MIDEAS: variants seen among roughly 807,000 people sequenced by gnomAD.
MIDEAS encodes the protein mitotic deacetylase-associated SANT domain protein.
A neutral mutation model predicts 102.7 loss-of-function variants in MIDEAS; 26 were observed. That is an observed-to-expected ratio of 0.25 (90% confidence interval 0.19 to 0.35). The LOEUF (loss-of-function observed/expected upper bound fraction) is 0.35. Ranked by LOEUF, MIDEAS falls within the 10% of genes least tolerant of loss-of-function variation. The probability of loss-of-function intolerance (pLI) is 1.00; values close to 1 mark genes in which losing one functional copy is unlikely to be tolerated. For synonymous variants in MIDEAS, 585 were observed against 591.0 expected, an observed-to-expected ratio of 0.99 and a Z score of 0.15; for missense variants, 1,231 against 1,435.6, an observed-to-expected ratio of 0.86 and a Z score of 2.30.
At chr14:73,776,772 C>A (rs2053692496) in intron 1 of MIDEAS, among the ~76,000 whole-genome samples, 1 of 151,940 alleles carries the variant, frequency 6.6e-6, no homozygotes, top group Admixed American at 6.6e-5. Flanking sequence ...GCCTCCAGAG[C>A]CTTGCTCTTC....
intron 1 of MIDEAS, among the ~76,000 whole-genome samples, chr14:73,757,294 A>AAAAAAAAC (rs2053496918): frequency 1.3e-5 from 2 of 150,336 alleles, no homozygotes; most frequent in Non-Finnish European, 3.0e-5. Context: ...AAAAAAAAAA[A>AAAAAAAAC]CACTAAACAC....
At chr14:73,747,016 C>T (rs540240526) in intron 1 of MIDEAS, among the ~76,000 whole-genome samples, 2 of 152,256 alleles carry the variant, frequency 1.3e-5, no homozygotes, top group East Asian at 1.9e-4. Context: ...GGGGGAGCTC[C>T]CTGACTTTGA....
intron 1 of MIDEAS, among the ~76,000 whole-genome samples, chr14:73,771,944 C>G (rs2053645740): frequency 2.0e-5 from 3 of 152,278 alleles, no homozygotes; most frequent in Admixed American, 2.0e-4. Flanking sequence ...CCTGCTGTGG[C>G]AGGGGCCTGA....
rs748463058 is a variant in MIDEAS at position 73,729,928 on chromosome 14, G to A, written c.1807C>T (p.Arg603Trp). ...GEPSVRKPKQRPRPEPLIIPT... is the reference protein window; with the variant it reads ...GEPSVRKPKQWPRPEPLIIPT... Reference sequence around the variant, plus strand: ...ATGATGAGGGGCTCGGGCCTGGGCCGCTGCTTTGGTTTCCGCACGGAAGGC... The same window carrying A: ...ATGATGAGGGGCTCGGGCCTGGGCCACTGCTTTGGTTTCCGCACGGAAGGC... The change falls in exon 4 of 13, where the codon CGG (arginine) becomes TGG (tryptophan). Residue 603 changes from arginine to tryptophan, a missense_variant. Around this residue, in one of 5 missense-constraint regions of MIDEAS, gnomAD observed 758 missense variants for 856.0 expected, o/e 0.89. Transcript: ENST00000423556. The A allele has an allele frequency of 3.7e-6, 6 of 1,606,520 alleles. No individual in the cohort carries two copies. The highest frequency in any genetic ancestry group is 5.1e-6 in the Non-Finnish European group (6 of 1,174,770).
Position 73,726,597 on chromosome 14 carries a change from T to C in MIDEAS, c.2409+7A>G. ...GGGCCCTCCCTCTGCTGGGGTTGCC[T>C]TCTCACCAGGATGTCTCCTCTGGAT... On this transcript the variant is annotated splice_region_variant and intron_variant, in intron 7 of 12. Transcript: ENST00000423556. 6.2e-7 allele frequency: 1 copy of C among 1,613,854 alleles called. No homozygotes were observed. The highest frequency in any genetic ancestry group is 8.5e-7 in the Non-Finnish European group (1 of 1,179,866).
intron 1 of MIDEAS, among the ~76,000 whole-genome samples, chr14:73,784,027 T>C (rs12879393): frequency 0.59 from 89,882 of 152,160 alleles, 28,582 homozygotes; most frequent in East Asian, 0.93. Context: ...TCCAGGAGAC[T>C]CCTGCATTGG....
At position 73,740,208 on chromosome 14, in the gene MIDEAS, G is replaced by A. The variant is rs899743028; in HGVS notation, c.-200C>T. 3 of 553,414 alleles carry A rather than the reference G, an allele frequency of 5.4e-6. No homozygotes were observed. The highest frequency in any genetic ancestry group is 1.9e-5 in the African/African-American group (1 of 51,384). 34.3% of individuals were successfully genotyped at this position (553,414 alleles called of 1,614,324 possible). A position where few individuals can be genotyped will look rare whatever the true frequency, so the allele number is the denominator to read the frequency against. ...CCTTTCTCTTCCAGAGAGGCTCTGG[G>A]GCTCAGCTACTCTTCCCAGTTCATG... On this transcript the variant is annotated 5_prime_UTR_variant, in exon 2 of 13. Transcript: ENST00000423556.
At chr14:73,737,512 G>A (rs2053218206) in intron 2 of MIDEAS, among the ~76,000 whole-genome samples, 1 of 152,148 alleles carries the variant, frequency 6.6e-6, no homozygotes, top group Non-Finnish European at 1.5e-5. Flanking sequence ...TGTGGTCCCA[G>A]CTACTTGGGA....
intron 3 of MIDEAS, among the ~76,000 whole-genome samples, chr14:73,734,540 T>G (rs1031533050): frequency 4.6e-5 from 7 of 151,946 alleles, no homozygotes; most frequent in Non-Finnish European, 8.8e-5. Context: ...CCTGAGAAAC[T>G]GGGACTACAG....
At chr14:73,756,827 GTTCAC>G (rs1182382656) in intron 1 of MIDEAS, among the ~76,000 whole-genome samples, 3 of 152,198 alleles carry the variant, frequency 2.0e-5, no homozygotes, top group African/African-American at 7.2e-5. Flanking sequence ...AGGAAACTGG[GTTCAC>G]CAGCCCCAGA....
chr14:73,725,363 A>G lies in MIDEAS; in HGVS notation c.2486-3T>C, dbSNP rs200559216. ...GGCCATCTTCCACTGGTCAGAGCCT[A>G]TGGGGCAAAGAGGCAGCCAGGGAGT... On this transcript the variant is annotated splice_region_variant and splice_polypyrimidine_tract_variant and intron_variant, in intron 8 of 12. Coordinates refer to ENST00000423556, the MANE Select transcript of MIDEAS (RefSeq NM_001367710.1). The surrounding 1 kb of genome is among the most constrained non-coding windows in gnomAD (Gnocchi z 4.1). The G allele has an allele frequency of 1.1e-5, 18 of 1,613,426 alleles. No individual in the cohort carries two copies. The African/African-American group carries it at 1.9e-4, about 17-fold the overall frequency.
At chr14:73,776,370 T>A (rs965563185) in intron 1 of MIDEAS, among the ~76,000 whole-genome samples, 4 of 151,808 alleles carry the variant, frequency 2.6e-5, no homozygotes, top group African/African-American at 9.7e-5. Flanking sequence ...CAGAAGGATG[T>A]CCAAACAGAT....
In MIDEAS at chr14:73,725,099, G is replaced by C; in HGVS notation, c.2574+173C>G. On this transcript the variant is annotated intron_variant, in intron 9 of 12. Coordinates refer to ENST00000423556, the MANE Select transcript of MIDEAS (RefSeq NM_001367710.1). This position sits in a 1 kb window ranked among gnomAD's most constrained non-coding sequence, Gnocchi z 4.1. ...GGAAAGGATGCTTAGAACCAAAAGG[G>C]AAAAGAGACCTATCTTTCTCTTTCT... The C allele has an allele frequency of 1.6e-6, 1 of 606,742 alleles. No individual in the cohort carries two copies. Among genetic ancestry groups the C allele is most frequent in the Non-Finnish European group, 3.0e-6 (1 of 335,590 alleles). 37.6% of individuals were successfully genotyped at this position (606,742 alleles called of 1,614,324 possible). A position where few individuals can be genotyped will look rare whatever the true frequency, so the allele number is the denominator to read the frequency against.
chr14:73,785,388 C>A (rs2140183837), intron 1 of MIDEAS, among the ~76,000 whole-genome samples: 1 of 152,272 alleles, frequency 6.6e-6, no homozygotes, highest in East Asian at 1.9e-4. Flanking sequence ...ACAGTCCCTG[C>A]TAAGAAAGTG....
intron 1 of MIDEAS, among the ~76,000 whole-genome samples, chr14:73,746,362 T>G (rs1315921171): frequency 6.6e-6 from 1 of 152,208 alleles, no homozygotes; most frequent in Non-Finnish European, 1.5e-5. Context: ...AGGGACTGCC[T>G]GCCTTCCTCC....
rs1264370914 is a variant in MIDEAS, at chr14:73,718,491, G to A, written c.*352C>T. ...GGCTTCCTGGAGGCCGAGGGGAGGAGGGGGAAGCAAATAAAGGGAAAAGAC... is the reference window on the plus strand; with the variant it reads ...GGCTTCCTGGAGGCCGAGGGGAGGAAGGGGAAGCAAATAAAGGGAAAAGAC... On this transcript the variant is annotated 3_prime_UTR_variant, in exon 13 of 13. Transcript: ENST00000423556. 1.1e-5 allele frequency: 2 copies of A among 185,370 alleles called. No homozygotes were observed. 11.5% of individuals were successfully genotyped at this position (185,370 alleles called of 1,614,324 possible).
chr14:73,757,449 C>CA (rs1273835348), intron 1 of MIDEAS, among the ~76,000 whole-genome samples: 3 of 152,262 alleles, frequency 2.0e-5, no homozygotes, highest in African/African-American at 7.2e-5. Context: ...AACTCTAACT[C>CA]AGAGTCTTTG....
chr14:73,724,495 T>G (rs1018619633), intron 9 of MIDEAS: 7 of 152,214 alleles, frequency 4.6e-5, no homozygotes, highest in African/African-American at 1.7e-4. Context: ...GTACTTCCCG[T>G]CAGTATTGCC....
chr14:73,725,993 T>C lies in MIDEAS; in HGVS notation c.2485+40A>G. 1 of 1,533,174 alleles carries C rather than the reference T, an allele frequency of 6.5e-7. No individual in the cohort carries two copies. The allele number at this position is 1,533,174 out of a possible 1,614,324, so 95.0% of individuals were successfully genotyped here. A position where few individuals can be genotyped will look rare whatever the true frequency, so the allele number is the denominator to read the frequency against. On this transcript the variant is annotated intron_variant, in intron 8 of 12. Coordinates refer to ENST00000423556, the MANE Select transcript of MIDEAS (RefSeq NM_001367710.1). The surrounding 1 kb of genome is among the most constrained non-coding windows in gnomAD (Gnocchi z 4.1). ...GGGCCCCATGGATGCTGGAGACCTC[T>C]TGAGGCTCCAGGCACCATGCCCACC...
Sources: allele counts gnomAD v4.1 joint callset (sites outside exome capture counted in the v4.1 genomes callset), GRCh38; gene constraint gnomAD v4.1.1; regional missense constraint gnomAD v4.1.1; non-coding constraint Gnocchi (gnomAD v3.1); transcripts MANE v1.5; gene names NCBI Gene and HGNC (gene_info 2026-07-23, HGNC 2026-07-21).